The following SAMD11 variants were observed in gnomAD, a reference collection of about 807,000 sequenced individuals.
SAMD11 encodes sterile alpha motif domain-containing protein 11.
A neutral mutation model predicts 64.4 loss-of-function variants in SAMD11; 77 were observed. The ratio of observed to expected loss-of-function variants is 1.20; its 90% confidence interval spans 0.99 to 1.44. SAMD11 has a LOEUF of 1.44. Ranked by LOEUF, SAMD11 falls within the 40% of genes most tolerant of loss-of-function variation. SAMD11 has a pLI of 0.00. For synonymous variants in SAMD11, 658 were observed against 421.9 expected, an observed-to-expected ratio of 1.56 and a Z score of -6.86; for missense variants, 1,402 against 943.3, an observed-to-expected ratio of 1.49 and a Z score of -6.37.
intron 12 of SAMD11, 83 bp from the exon 13 acceptor site, chr1:943,614 TG>T: frequency 1.4e-6 from 2 of 1,390,542 alleles, no homozygotes; most frequent in South Asian, 3.2e-5. Context: ...TTCCGTGAGC[TG>T]CACAAACAGC....
intron 9 of SAMD11, 51 bp from the exon 10 acceptor site, chr1:942,359 G>GCTCGGACCGC (rs1265864602): frequency 2.4e-6 from 3 of 1,227,258 alleles, no homozygotes; most frequent in Non-Finnish European, 3.3e-6. Flanking sequence ...CAAAGGGCCG[G>GCTCGGACCGC]CTCGGACCGC....
intron 8 of SAMD11, 112 bp downstream of exon 8, chr1:941,418 G>T: frequency 8.8e-7 from 1 of 1,134,956 alleles, no homozygotes; most frequent in Non-Finnish European, 1.2e-6. Flanking sequence ...TCAGCTCTAG[G>T]TTCGGGTCCG....
rs3196153 is a variant in SAMD11, at chr1:944,344, G to C, written c.*191G>C. The stretch of plus-strand genomic sequence containing the variant: ...GGGAGTGAAGGCAGAGCCTGGTGCA[G>C]ATGGACGAGGTCTGCAGACGGAGGG... On this transcript the variant is annotated 3_prime_UTR_variant, in exon 14 of 14. Coordinates refer to ENST00000616016, the MANE Select transcript of SAMD11 (RefSeq NM_001385641.1). The C allele has an allele frequency of 7.3e-7, 1 of 1,375,128 alleles. No homozygotes were observed. The allele number at this position is 1,375,128 out of a possible 1,614,324, so 85.2% of individuals were successfully genotyped here.
chr1:931,024 C>T lies in SAMD11; in HGVS notation c.792-15C>T, dbSNP rs1229531696. 2.5e-5 allele frequency: 41 copies of T among 1,611,646 alleles called. No individual in the cohort carries two copies. Among genetic ancestry groups the T allele is most frequent in the Non-Finnish European group, 3.2e-5 (38 of 1,178,758 alleles). On this transcript the variant is annotated splice_polypyrimidine_tract_variant and intron_variant, in intron 3 of 13. Transcript: ENST00000616016. ...CCTCCAGAGCAACATGGACCTTCTG[C>T]TTCCCTTCCTGCAGAGTCCACACCC... is the stretch of plus-strand genomic sequence containing the variant.
intron 12 of SAMD11, 78 bp downstream of exon 12, chr1:943,455 T>A (rs1569921757): frequency 3.1e-6 from 4 of 1,274,052 alleles, no homozygotes; most frequent in Middle Eastern, 2.6e-4. Context: ...GATGGTGGGG[T>A]AGGGCCATTC....
chr1:932,062 C>G (rs74047409), intron 4 of SAMD11, among the ~76,000 whole-genome samples: 1 of 152,248 alleles, frequency 6.6e-6, no homozygotes, highest in Non-Finnish European at 1.5e-5. Flanking sequence ...TTATTTATGT[C>G]TCTGAGAATG....
chr1:937,871 C>T (rs771463318), intron 5 of SAMD11, among the ~76,000 whole-genome samples: 1 of 152,228 alleles, frequency 6.6e-6, no homozygotes, highest in African/African-American at 2.4e-5. Context: ...GGTGTGGCCG[C>T]CGCACTTCCC....
At chr1:928,591 C>T (rs1055998155) in intron 2 of SAMD11, among the ~76,000 whole-genome samples, 1 of 152,276 alleles carries the variant, frequency 6.6e-6, no homozygotes, top group African/African-American at 2.4e-5. Context: ...TACCTTCGGC[C>T]TTGGCCGCAC....
Position 930,187 on chromosome 1 carries a change from C to T in SAMD11, c.642C>T (p.Val214=), listed in dbSNP as rs375780070. The T allele has an allele frequency of 1.3e-5, 21 of 1,561,048 alleles. No individual in the cohort carries two copies. Among genetic ancestry groups the T allele is most frequent in the Middle Eastern group, 3.3e-4 (2 of 5,978 alleles). The change falls in exon 3 of 14, where the codon GTC becomes GTT. Residue 214 remains valine, a synonymous_variant. Transcript: ENST00000616016. Reference sequence around the variant, plus strand: ...GGCGGCTGGCAGACAAGAGGACAGTCGCCCTGCCTGCCGCCCGGAACCTGA... The same window carrying T: ...GGCGGCTGGCAGACAAGAGGACAGTTGCCCTGCCTGCCGCCCGGAACCTGA... ...NRGRLADKRT[V]ALPAARNLKK... is the part of the protein sequence containing the mutation.
At chr1:936,711 T>G (rs77614634) in intron 5 of SAMD11, among the ~76,000 whole-genome samples, 8,372 of 152,170 alleles carry the variant, frequency 0.055, 481 homozygotes, top group East Asian at 0.14. Flanking sequence ...CCCCCATCTG[T>G]GTCCCCCATC....
intron 9 of SAMD11, 50 bp from the exon 10 acceptor site, chr1:942,360 C>T (rs757235950): frequency 1.1e-4 from 129 of 1,200,392 alleles, no homozygotes; most frequent in Middle Eastern, 2.8e-4. Flanking sequence ...AAAGGGCCGG[C>T]TCGGACCGCC....
intron 12 of SAMD11, 47 bp downstream of exon 12, chr1:943,424 A>C (rs761652803): frequency 2.1e-6 from 3 of 1,448,458 alleles, no homozygotes; most frequent in Non-Finnish European, 1.9e-6. Context: ...GCTGGCTGGC[A>C]GTCACTACCT....
intron 5 of SAMD11, among the ~76,000 whole-genome samples, chr1:937,400 C>T (rs1031394804): frequency 2.7e-5 from 4 of 148,616 alleles, no homozygotes; most frequent in South Asian, 2.2e-4. Flanking sequence ...CCACCTGCCC[C>T]CCCCCCCACC....
chr1:942,055 G>C, intron 8 of SAMD11, 81 bp from the exon 9 acceptor site: 2 of 457,860 alleles, frequency 4.4e-6, no homozygotes, highest in Non-Finnish European at 7.7e-6. Flanking sequence ...GGCAATTAGC[G>C]GAGGCGGCGG....
chr1:929,493 C>T (rs1641067599), intron 2 of SAMD11, among the ~76,000 whole-genome samples: 1 of 152,202 alleles, frequency 6.6e-6, no homozygotes. Flanking sequence ...GCAGCTGCCC[C>T]TGAGCCGGGC....
chr1:926,777 G>A (rs145246928), intron 2 of SAMD11, among the ~76,000 whole-genome samples: 4 of 152,170 alleles, frequency 2.6e-5, no homozygotes. Context: ...AAGGAAGAAT[G>A]CCTGTTGGGA....
chr1:931,130 T>TCCCCGGG, intron 4 of SAMD11, 41 bp downstream of exon 4: 1 of 1,323,914 alleles, frequency 7.6e-7, no homozygotes, highest in Non-Finnish European at 1.1e-6. Flanking sequence ...GGGCCGTGAC[T>TCCCCGGG]CCCCTCCCTC....
At chr1:943,628 C>T (rs1410691421) in intron 12 of SAMD11, 70 bp from the exon 13 acceptor site, 14 of 1,437,190 alleles carry the variant, frequency 9.7e-6, no homozygotes, top group South Asian at 5.9e-5. Flanking sequence ...CAAACAGCTC[C>T]TCTTGGCTCT....
chr1:926,558 A>T (rs951376997), intron 2 of SAMD11, among the ~76,000 whole-genome samples: 1 of 152,178 alleles, frequency 6.6e-6, no homozygotes, highest in Non-Finnish European at 1.5e-5. Flanking sequence ...GAGTCTTTGC[A>T]GTGTGGGCCT....
Sources: gnomAD v4.1 joint callset for allele counts (sites outside exome capture counted in the v4.1 genomes callset) on GRCh38, gnomAD v4.1.1 for gene constraint, MANE v1.5 for transcripts, NCBI Gene and HGNC (gene_info 2026-07-23, HGNC 2026-07-21) for gene names.